CTNND2: variants seen among roughly 807,000 people sequenced by gnomAD.
CTNND2 encodes catenin delta-2.
CTNND2 carries 22 observed loss-of-function variants against 144.4 expected under a neutral mutation model. That is an observed-to-expected ratio of 0.15 (90% CI 0.11 to 0.22). The LOEUF (loss-of-function observed/expected upper bound fraction) is 0.22. Ranked by LOEUF, CTNND2 falls within the 10% of genes least tolerant of loss-of-function variation. The pLI is 1.00. For missense variants in CTNND2, 1,353 were observed against 1,618.8 expected (o/e 0.84, Z 2.82); for synonymous variants, 751 against 695.6 (o/e 1.08, Z -1.25).
chr5:11,130,023 C>T (rs1277076425), intron 12 of CTNND2, among the ~76,000 whole-genome samples: 1 of 152,066 alleles, frequency 6.6e-6, no homozygotes, highest in East Asian at 1.9e-4. Flanking sequence ...ACAAGTTTCC[C>T]TAATTTTTTT....
At chr5:11,901,208 C>T (rs1251075284) in intron 1 of CTNND2, among the ~76,000 whole-genome samples, 3 of 152,122 alleles carry the variant, frequency 2.0e-5, no homozygotes, top group Admixed American at 6.5e-5. Flanking sequence ...AAAACCCCTT[C>T]GACAAGTCCA....
chr5:11,731,808 T>G (rs1271261024), intron 2 of CTNND2, among the ~76,000 whole-genome samples: 1 of 152,192 alleles, frequency 6.6e-6, no homozygotes, highest in African/African-American at 2.4e-5. Flanking sequence ...GATTTTATCT[T>G]TTCTAAGACT....
intron 9 of CTNND2, among the ~76,000 whole-genome samples, chr5:11,258,873 T>C (rs1744559197): frequency 6.6e-6 from 1 of 152,228 alleles, no homozygotes; most frequent in African/African-American, 2.4e-5. Flanking sequence ...CATTTCCCTC[T>C]GCACAGAAAA....
At chr5:11,308,903 G>A (rs1258258831) in intron 9 of CTNND2, among the ~76,000 whole-genome samples, 4 of 152,156 alleles carry the variant, frequency 2.6e-5, no homozygotes, top group South Asian at 2.1e-4. Flanking sequence ...GGCAGAAGGC[G>A]AAGGGGAAGC....
chr5:11,785,061 C>T (rs1790755609), intron 1 of CTNND2, among the ~76,000 whole-genome samples: 1 of 152,214 alleles, frequency 6.6e-6, no homozygotes, highest in African/African-American at 2.4e-5. Context: ...CTATCTTGCT[C>T]ATAAGTGCAT....
chr5:11,759,305 T>A (rs141565722), intron 1 of CTNND2, among the ~76,000 whole-genome samples: 2,222 of 152,176 alleles, frequency 0.015, 43 homozygotes, highest in African/African-American at 0.051. Flanking sequence ...TTTAACTGTC[T>A]ATTATGAAAA....
At chr5:11,861,637 C>T (rs1795509144) in intron 1 of CTNND2, among the ~76,000 whole-genome samples, 1 of 152,186 alleles carries the variant, frequency 6.6e-6, no homozygotes, top group Admixed American at 6.5e-5. Flanking sequence ...TTGAGCAGAG[C>T]AGTCAGAAGA....
At chr5:11,671,827 AG>A (rs1490282474) in intron 2 of CTNND2, among the ~76,000 whole-genome samples, 5 of 151,968 alleles carry the variant, frequency 3.3e-5, no homozygotes, top group Non-Finnish European at 7.4e-5. Context: ...CTTGCTGGCG[AG>A]GAGCTGTGAT....
Position 11,903,910 on chromosome 5 carries a change from C to T in CTNND2, c.-57G>A, listed in dbSNP as rs1329120790. 4 of 1,394,708 alleles carry T rather than the reference C, an allele frequency of 2.9e-6. No individual in the cohort carries two copies. Among genetic ancestry groups the T allele is most frequent in the Middle Eastern group, 1.9e-4 (1 of 5,366 alleles). The allele number at this position is 1,394,708 out of a possible 1,614,324, so 86.4% of individuals were successfully genotyped here. ...GGGAAGAGGCGTGCGCGGCGCCGCCCGGCTTCAGGGCAAGGTCCTGACCTT... is the reference window on the plus strand; with the variant it reads ...GGGAAGAGGCGTGCGCGGCGCCGCCTGGCTTCAGGGCAAGGTCCTGACCTT... On this transcript the variant is annotated 5_prime_UTR_variant, in exon 1 of 22. Coordinates refer to ENST00000304623, the MANE Select transcript of CTNND2 (RefSeq NM_001332.4). The surrounding 1 kb of genome is among the most constrained non-coding windows in gnomAD (Gnocchi z 5.4).
At chr5:11,773,937 G>T (rs1790095220) in intron 1 of CTNND2, among the ~76,000 whole-genome samples, 1 of 151,732 alleles carries the variant, frequency 6.6e-6, no homozygotes, top group African/African-American at 2.4e-5. Context: ...ATGATCAATA[G>T]AAACTATCTT....
intron 10 of CTNND2, among the ~76,000 whole-genome samples, chr5:11,204,855 G>A (rs1017579959): frequency 1.3e-5 from 2 of 152,184 alleles, no homozygotes; most frequent in African/African-American, 4.8e-5. Context: ...AGAGGATAGT[G>A]AGACCCCGAG....
intron 1 of CTNND2, among the ~76,000 whole-genome samples, chr5:11,779,942 CCT>C (rs1790454091): frequency 6.6e-6 from 1 of 152,156 alleles, no homozygotes; most frequent in Admixed American, 6.6e-5. Context: ...CTGCAACTGC[CCT>C]CTCTCTTCTC....
At chr5:11,322,728 C>T (rs1322690286) in intron 9 of CTNND2, among the ~76,000 whole-genome samples, 1 of 152,052 alleles carries the variant, frequency 6.6e-6, no homozygotes, top group Non-Finnish European at 1.5e-5. Flanking sequence ...ATATATTTGT[C>T]AAAGTCAAAA....
intron 1 of CTNND2, among the ~76,000 whole-genome samples, chr5:11,900,803 G>T (rs961107105): frequency 1.3e-5 from 2 of 152,156 alleles, no homozygotes; most frequent in Admixed American, 1.3e-4. Flanking sequence ...TGAAGTACTG[G>T]ACTTGAAAAT....
At chr5:11,074,956 C>T (rs1370533636) in intron 16 of CTNND2, among the ~76,000 whole-genome samples, 1 of 151,848 alleles carries the variant, frequency 6.6e-6, no homozygotes. Context: ...CTGCCCACCC[C>T]CCACCTCCTT....
chr5:11,108,675 T>A (rs1003205974), intron 14 of CTNND2, among the ~76,000 whole-genome samples: 1 of 152,216 alleles, frequency 6.6e-6, no homozygotes, highest in Admixed American at 6.5e-5. Context: ...AAGGGAGGTT[T>A]TGGATTCCAT....
At chr5:11,310,251 G>C (rs1286368298) in intron 9 of CTNND2, among the ~76,000 whole-genome samples, 1 of 152,060 alleles carries the variant, frequency 6.6e-6, no homozygotes, top group African/African-American at 2.4e-5. Context: ...ACAGCTTTTA[G>C]TGTGTTGTTC....
At chr5:11,475,216 T>C (rs956852766) in intron 3 of CTNND2, among the ~76,000 whole-genome samples, 1 of 152,188 alleles carries the variant, frequency 6.6e-6, no homozygotes, top group Admixed American at 6.5e-5. Flanking sequence ...GAATTGATGA[T>C]GGTTGTATTT....
rs1300313962 is a variant in CTNND2 at position 11,767,110 on chromosome 5, T to TA, written c.38-34839dup. 1.1e-4 allele frequency among the ~76,000 whole-genome samples: 17 copies of TA among 152,198 alleles called. No homozygotes were observed. The East Asian group carries it at 2.7e-3, about 24-fold the overall frequency. On this transcript the variant is annotated intron_variant, in intron 1 of 21. Coordinates refer to ENST00000304623, the MANE Select transcript of CTNND2 (RefSeq NM_001332.4). The stretch of plus-strand genomic sequence containing the variant: ...CTATCATCTGGGAGCTCATTAAAAA[T>TA]AAAAAATCTCACCTTTCCCTGGACC...
Sources: allele counts gnomAD v4.1 joint callset (sites outside exome capture counted in the v4.1 genomes callset), GRCh38; gene constraint gnomAD v4.1.1; non-coding constraint Gnocchi (gnomAD v3.1); transcripts MANE v1.5; gene names NCBI Gene and HGNC (gene_info 2026-07-23, HGNC 2026-07-21).